LRRC4B: variants seen among roughly 807,000 people sequenced by gnomAD.
The protein encoded by LRRC4B is leucine rich repeat containing 4B.
In LRRC4B, 1 loss-of-function variant was observed where a neutral mutation model predicts 7.3. The observed-to-expected ratio is 0.14, with a 90% CI of 0.05 to 0.65. LRRC4B has a LOEUF of 0.65. Ranked by LOEUF, LRRC4B falls within the 30% of genes least tolerant of loss-of-function variation. LRRC4B has a pLI of 0.84. For missense variants in LRRC4B, 730 were observed against 1,041.6 expected, an observed-to-expected ratio of 0.70 and a Z score of 4.12; for synonymous variants, 500 against 499.2, an observed-to-expected ratio of 1.00 and a Z score of -0.02.
chr19:50,534,218 A>G (rs1190964742), intron 2 of LRRC4B, among the ~76,000 whole-genome samples: 1 of 152,190 alleles, frequency 6.6e-6, no homozygotes, highest in Admixed American at 6.5e-5. Context: ...TTTAACCAGC[A>G]AAGGTGTACA....
Position 50,564,018 on chromosome 19 carries a change from A to G in LRRC4B, c.-36+3926T>C, listed in dbSNP as rs142654512. On this transcript the variant is annotated intron_variant, in intron 1 of 2. Coordinates refer to ENST00000652263, the MANE Select transcript of LRRC4B (RefSeq NM_001080457.2). ...AGGACCCGGCAAGGGAAACCAAGGGAAGGAGAGTGGAGAGGGTGACAGGGC... is the reference window on the plus strand; with the variant it reads ...AGGACCCGGCAAGGGAAACCAAGGGGAGGAGAGTGGAGAGGGTGACAGGGC... Among the ~76,000 whole-genome samples, 409 of 152,208 alleles carry G rather than the reference A, an allele frequency of 2.7e-3. 3 individuals carry two copies. The highest frequency in any genetic ancestry group is 9.6e-3 in the African/African-American group (400 of 41,530).
chr19:50,521,336 C>T (rs1035261384), intron 2 of LRRC4B, among the ~76,000 whole-genome samples: 1 of 152,030 alleles, frequency 6.6e-6, no homozygotes. Flanking sequence ...GCTACATTGG[C>T]GTGGTGGTTA....
chr19:50,541,045 G>A (rs563020072), intron 2 of LRRC4B, among the ~76,000 whole-genome samples: 9 of 151,926 alleles, frequency 5.9e-5, no homozygotes, highest in South Asian at 4.2e-4. Flanking sequence ...GTAGCCGGGC[G>A]TGCTGGTGGG....
chr19:50,562,640 C>A (rs1259305580), intron 1 of LRRC4B, among the ~76,000 whole-genome samples: 2 of 152,084 alleles, frequency 1.3e-5, no homozygotes, highest in Non-Finnish European at 2.9e-5. Flanking sequence ...TGGGCTGGGG[C>A]AGCATCTGGG....
chr19:50,556,129 G>A lies in LRRC4B; in HGVS notation c.-35-7256C>T, dbSNP rs1182173231. On this transcript the variant is annotated intron_variant, in intron 1 of 2. Transcript: ENST00000652263. This position sits in a 1 kb window ranked among gnomAD's most constrained non-coding sequence, Gnocchi z 4.2. ...GGAGGTAGAAGAACCTTAGGGAAAG[G>A]GCAGTCCAGGCCCCCTAGGAGCTGC... 2.0e-5 allele frequency among the ~76,000 whole-genome samples: 3 copies of A among 152,120 alleles called. No individual in the cohort carries two copies. Among genetic ancestry groups the A allele is most frequent in the Non-Finnish European group, 4.4e-5 (3 of 68,014 alleles).
At chr19:50,562,833 C>T (rs186943990) in intron 1 of LRRC4B, among the ~76,000 whole-genome samples, 25 of 151,804 alleles carry the variant, frequency 1.6e-4, no homozygotes, top group South Asian at 1.5e-3. Context: ...CTCTGCCTCC[C>T]GGGTTCAAGC....
chr19:50,560,813 G>A (rs563293522), intron 1 of LRRC4B, among the ~76,000 whole-genome samples: 78 of 152,342 alleles, frequency 5.1e-4, no homozygotes, highest in African/African-American at 1.6e-3. Flanking sequence ...TCTCGGCCGG[G>A]TGCAGTGGCT....
At chr19:50,562,647 TG>T (rs550147714) in intron 1 of LRRC4B, among the ~76,000 whole-genome samples, 30 of 151,902 alleles carry the variant, frequency 2.0e-4, no homozygotes, top group Admixed American at 1.4e-3. Context: ...GGGCAGCATC[TG>T]GGGGGCACAG....
Position 50,562,834 on chromosome 19 carries a change from G to A in LRRC4B, c.-36+5110C>T, listed in dbSNP as rs564320916. On this transcript the variant is annotated intron_variant, in intron 1 of 2. Coordinates refer to ENST00000652263, the MANE Select transcript of LRRC4B (RefSeq NM_001080457.2). ...CGGCTCACTGCAACCTCTGCCTCCC[G>A]GGTTCAAGCGATTCTCCTGCCTCGG... Among the ~76,000 whole-genome samples the A allele has an allele frequency of 3.5e-4, 52 of 149,192 alleles. 1 individual carries two copies. The South Asian group carries it at 0.011, about 30-fold the overall frequency.
In LRRC4B at chr19:50,518,207, C is replaced by T. The variant is rs747308652; in HGVS notation, c.1506G>A (p.Glu502=). 6.2e-7 allele frequency: 1 copy of T among 1,609,104 alleles called. No individual in the cohort carries two copies. The highest frequency in any genetic ancestry group is 8.5e-7 in the Non-Finnish European group (1 of 1,178,832). Residue 502 remains glutamate (E), a synonymous_variant, in exon 3 of 3, where the codon GAG becomes GAA. Coordinates refer to ENST00000652263, the MANE Select transcript of LRRC4B (RefSeq NM_001080457.2). The part of the protein sequence containing the change: ...VETLETQPGE[E]ALQPRGTEKE... ...TCTCCGTCCCCCGCGGCTGCAGGGC[C>T]TCCTCTCCGGGCTGCGTCTCCAGGG...
rs375848882 is a variant in LRRC4B at position 50,517,701 on chromosome 19, T to A, written c.2012A>T (p.Lys671Met). 4 of 1,552,570 alleles carry A rather than the reference T, an allele frequency of 2.6e-6. No individual in the cohort carries two copies. Reference sequence around the variant, plus strand: ...GCTGGGGTTGCTGCTGTAGTGCGCCTTGAAGGCGGCAGCCACGTAGTGGTG... The same window carrying A: ...GCTGGGGTTGCTGCTGTAGTGCGCCATGAAGGCGGCAGCCACGTAGTGGTG... ...NHHHYVAAAFKAHYSSNPSGG... is the reference protein window; with the variant it reads ...NHHHYVAAAFMAHYSSNPSGG... The change falls in exon 3 of 3, where the codon AAG becomes ATG. Residue 671 changes from lysine (K) to methionine (M), a missense_variant. This residue lies in a region of LRRC4B where 160 missense variants were observed against 163.9 expected (regional missense o/e 0.98). Coordinates refer to ENST00000652263, the MANE Select transcript of LRRC4B (RefSeq NM_001080457.2). The surrounding 1 kb of genome is among the most constrained non-coding windows in gnomAD (Gnocchi z 6.6).
At chr19:50,526,701 G>T (rs1980821775) in intron 2 of LRRC4B, among the ~76,000 whole-genome samples, 1 of 152,094 alleles carries the variant, frequency 6.6e-6, no homozygotes, top group Admixed American at 6.6e-5. Context: ...TTGTTAAAAA[G>T]TAATATATAC....
intron 2 of LRRC4B, among the ~76,000 whole-genome samples, chr19:50,536,642 C>T (rs1294758926): frequency 2.0e-5 from 3 of 152,178 alleles, no homozygotes; most frequent in East Asian, 1.9e-4. Flanking sequence ...GAAAGATGCA[C>T]GGGTCTCAGC....
chr19:50,552,672 CCATCCATCCAT>C (rs1982131604), intron 1 of LRRC4B, among the ~76,000 whole-genome samples: 1 of 50,706 alleles, frequency 2.0e-5, no homozygotes, highest in East Asian at 3.7e-4. Context: ...ATCCATCCAT[CCATCCATCCAT>C]CCATCCGTCC....
At position 50,517,458 on chromosome 19, in the gene LRRC4B, G is replaced by A; in HGVS notation, c.*113C>T. 1.0e-6 allele frequency: 1 copy of A among 978,684 alleles called. No individual in the cohort carries two copies. Among genetic ancestry groups the A allele is most frequent in the South Asian group, 3.4e-5 (1 of 29,558 alleles). The allele number at this position is 978,684 out of a possible 1,614,324, so 60.6% of individuals were successfully genotyped here. On this transcript the variant is annotated 3_prime_UTR_variant, in exon 3 of 3. Coordinates refer to ENST00000652263, the MANE Select transcript of LRRC4B (RefSeq NM_001080457.2). The surrounding 1 kb of genome is among the most constrained non-coding windows in gnomAD (Gnocchi z 6.6). ...AAGCCACCTCTCCCCAATTCCCTGC[G>A]TGGTCCCAGAAGGTGGGCTGGGCTG...
intron 2 of LRRC4B, among the ~76,000 whole-genome samples, chr19:50,521,885 A>G (rs570878567): frequency 6.6e-6 from 1 of 152,120 alleles, no homozygotes; most frequent in South Asian, 2.1e-4. Flanking sequence ...TTAAAAATGA[A>G]AAAAATAAGG....
At chr19:50,545,190 C>T (rs1405517216) in intron 2 of LRRC4B, among the ~76,000 whole-genome samples, 1 of 151,190 alleles carries the variant, frequency 6.6e-6, no homozygotes, top group African/African-American at 2.4e-5. Context: ...GGCAGATCAT[C>T]TGAGGTCGGG....
chr19:50,560,918 C>T (rs945676164), intron 1 of LRRC4B, among the ~76,000 whole-genome samples: 2 of 152,164 alleles, frequency 1.3e-5, no homozygotes, highest in East Asian at 1.9e-4. Flanking sequence ...GTGAAACCCC[C>T]GTCTCTACTA....
chr19:50,525,956 G>C (rs1429414483), intron 2 of LRRC4B, among the ~76,000 whole-genome samples: 1 of 152,162 alleles, frequency 6.6e-6, no homozygotes, highest in African/African-American at 2.4e-5. Context: ...AGGAGGCGAG[G>C]TTGCGGTGAG....
Sources: gnomAD v4.1 joint callset for allele counts (sites outside exome capture counted in the v4.1 genomes callset) on GRCh38, gnomAD v4.1.1 for gene constraint, gnomAD v4.1.1 regional missense constraint, Gnocchi (gnomAD v3.1) non-coding constraint, MANE v1.5 for transcripts, NCBI Gene and HGNC (gene_info 2026-07-23, HGNC 2026-07-21) for gene names.